The following DNM3 variants were observed in gnomAD, a reference collection of about 807,000 sequenced individuals.
The protein encoded by DNM3 is dynamin-3.
Under a neutral mutation model 101.6 loss-of-function variants are expected in DNM3, and 47 were observed. The observed-to-expected ratio is 0.46, with a 90% CI of 0.37 to 0.59. The LOEUF (loss-of-function observed/expected upper bound fraction) is 0.59. DNM3 is among the 20% of genes least tolerant of loss of function. DNM3 has a pLI of 0.00. For missense variants in DNM3, 849 were observed against 1,085.7 expected (o/e 0.78, Z 3.06); for synonymous variants, 385 against 387.9 (o/e 0.99, Z 0.09).
chr1:171,883,145 A>T (rs2036434982), intron 1 of DNM3, among the ~76,000 whole-genome samples: 1 of 151,934 alleles, frequency 6.6e-6, no homozygotes, highest in Admixed American at 6.5e-5. Flanking sequence ...GTTCTTTATT[A>T]CAGTTACACT....
At chr1:172,113,265 A>G (rs567415414) in intron 13 of DNM3, among the ~76,000 whole-genome samples, 1 of 152,248 alleles carries the variant, frequency 6.6e-6, no homozygotes, top group Admixed American at 6.5e-5. Flanking sequence ...ACTTCCTGCT[A>G]TGTGTGAGGC....
At chr1:172,207,423 TG>T (rs1433288548) in intron 14 of DNM3, among the ~76,000 whole-genome samples, 1 of 152,114 alleles carries the variant, frequency 6.6e-6, no homozygotes, top group Non-Finnish European at 1.5e-5. Context: ...ATAATTTTCA[TG>T]GGAACTTAAT....
intron 14 of DNM3, among the ~76,000 whole-genome samples, chr1:172,234,398 G>C (rs568914375): frequency 2.0e-5 from 3 of 151,794 alleles, no homozygotes; most frequent in Non-Finnish European, 2.9e-5. Context: ...GGATACAAAT[G>C]GAAGAACATT....
At chr1:172,113,856 T>A (rs1444140051) in intron 13 of DNM3, among the ~76,000 whole-genome samples, 3 of 152,140 alleles carry the variant, frequency 2.0e-5, no homozygotes, top group Non-Finnish European at 2.9e-5. Flanking sequence ...TGTGAGTGTC[T>A]TTTCTTCTTA....
chr1:172,002,715 A>T, intron 4 of DNM3, among the ~76,000 whole-genome samples: 1 of 152,190 alleles, frequency 6.6e-6, no homozygotes, highest in Non-Finnish European at 1.5e-5. Flanking sequence ...TGGGAAAATG[A>T]TATGATTATA....
At chr1:171,971,136 C>A (rs1235283105) in intron 2 of DNM3, among the ~76,000 whole-genome samples, 3 of 152,068 alleles carry the variant, frequency 2.0e-5, no homozygotes, top group Non-Finnish European at 4.4e-5. Flanking sequence ...TAATTTCACA[C>A]ATTTTTATTT....
intron 15 of DNM3, among the ~76,000 whole-genome samples, chr1:172,294,464 G>A (rs1372022317): frequency 6.6e-6 from 1 of 152,102 alleles, no homozygotes; most frequent in Non-Finnish European, 1.5e-5. Context: ...ACCAAGGATT[G>A]GGGTAGACCC....
chr1:172,038,426 A>C lies in DNM3; in HGVS notation c.957A>C (p.Pro319=), dbSNP rs377404194. 8.1e-6 allele frequency: 13 copies of C among 1,613,306 alleles called. No individual in the cohort carries two copies. The Admixed American group carries it at 1.5e-4, about 19-fold the overall frequency. ...TAGAAGCCTACAAAAATTTCAAACC[A>C]GAAGACCCAACAAGGAAGACCAAAG... ...HEVEAYKNFK[P]EDPTRKTKAL... The change falls in exon 7 of 21, where the codon CCA becomes CCC. Residue 319 remains proline (P), a synonymous_variant. Transcript: ENST00000627582.
At position 172,412,123 on chromosome 1, in the gene DNM3, G is replaced by A; in HGVS notation, c.*4282G>A. ...AGAGAGAGGAAACTCAAAGAGGAGT[G>A]TTTGTCTTAAGACCTGTTCATACTG... On this transcript the variant is annotated 3_prime_UTR_variant, in exon 21 of 21. Coordinates refer to ENST00000627582, the MANE Select transcript of DNM3 (RefSeq NM_015569.5). The A allele has an allele frequency of 1.0e-6, 1 of 985,600 alleles. No individual in the cohort carries two copies. Among genetic ancestry groups the A allele is most frequent in the Non-Finnish European group, 1.2e-6 (1 of 829,834 alleles). 61.1% of individuals were successfully genotyped at this position (985,600 alleles called of 1,614,324 possible).
intron 2 of DNM3, among the ~76,000 whole-genome samples, chr1:171,938,991 G>C (rs923909680): frequency 1.3e-5 from 2 of 152,184 alleles, no homozygotes; most frequent in African/African-American, 2.4e-5. Context: ...ACTGTGAATT[G>C]CTGGTTATGT....
chr1:172,353,720 CTT>C (rs1163897344), intron 17 of DNM3, among the ~76,000 whole-genome samples: 1 of 152,092 alleles, frequency 6.6e-6, no homozygotes, highest in African/African-American at 2.4e-5. Flanking sequence ...CTTTTTGACT[CTT>C]AGCTTTTGAA....
chr1:172,283,940 G>A (rs200533156), intron 15 of DNM3, among the ~76,000 whole-genome samples: 13 of 152,016 alleles, frequency 8.6e-5, no homozygotes, highest in Admixed American at 1.3e-4. Context: ...TTGGGTTTTC[G>A]TTGTGGTTAA....
chr1:172,162,965 T>A (rs1484423605), intron 14 of DNM3, among the ~76,000 whole-genome samples: 1 of 152,122 alleles, frequency 6.6e-6, no homozygotes, highest in African/African-American at 2.4e-5. Flanking sequence ...AGCCAGTTTT[T>A]GGTAGAATTC....
chr1:172,232,027 T>C (rs903294861), intron 14 of DNM3, among the ~76,000 whole-genome samples: 1 of 152,096 alleles, frequency 6.6e-6, no homozygotes, highest in Non-Finnish European at 1.5e-5. Flanking sequence ...CTGCAAGATA[T>C]TATCCATAAC....
intron 15 of DNM3, among the ~76,000 whole-genome samples, chr1:172,262,162 GA>G (rs2062681873): frequency 6.6e-6 from 1 of 152,142 alleles, no homozygotes; most frequent in Non-Finnish European, 1.5e-5. Context: ...TGGGGGCTGG[GA>G]ACATGGGCTT....
chr1:171,862,001 A>T lies in DNM3; in HGVS notation c.161+20184A>T, dbSNP rs529636400. Among the ~76,000 whole-genome samples, 4 of 152,308 alleles carry T rather than the reference A, an allele frequency of 2.6e-5. No individual in the cohort carries two copies. In the South Asian group the frequency reaches 8.3e-4, roughly 32 times the overall value. On this transcript the variant is annotated intron_variant, in intron 1 of 20. Coordinates refer to ENST00000627582, the MANE Select transcript of DNM3 (RefSeq NM_015569.5). The stretch of plus-strand genomic sequence containing the variant: ...AAGATGCTCAACATCAGTAGTCAGT[A>T]GAGAAGCAAATTAAAATACAATGAT...
rs151332456 is a variant in DNM3 at position 171,940,112 on chromosome 1, G to A, written c.235+18291G>A. Among the ~76,000 whole-genome samples the A allele has an allele frequency of 8.3e-3, 1,271 of 152,264 alleles. 12 individuals are homozygous for A. The highest frequency in any genetic ancestry group is 0.029 in the African/African-American group (1,201 of 41,550). The stretch of plus-strand genomic sequence containing the variant: ...GGTGTCTGAACAGCTAAGAACAGAC[G>A]ATAATTGGGTTATTCTGCTGATTTA... On this transcript the variant is annotated intron_variant, in intron 2 of 20. Coordinates refer to ENST00000627582, the MANE Select transcript of DNM3 (RefSeq NM_015569.5).
chr1:172,174,991 T>C (rs2224782), intron 14 of DNM3, among the ~76,000 whole-genome samples: 34,502 of 151,578 alleles, frequency 0.23, 4,906 homozygotes, highest in Middle Eastern at 0.34. Flanking sequence ...TAAAAATTAT[T>C]ATCTTATTTC....
At position 172,072,650 on chromosome 1, in the gene DNM3, G is replaced by A. The variant is rs146621623; in HGVS notation, c.1422+3745G>A. On this transcript the variant is annotated intron_variant, in intron 11 of 20. Coordinates refer to ENST00000627582, the MANE Select transcript of DNM3 (RefSeq NM_015569.5). ...CGCCTGTAATCCCAGCACTTTGGGA[G>A]GCCAAGGTGGGTGGATCACCTGAGG... Among the ~76,000 whole-genome samples the A allele has an allele frequency of 6.8e-3, 1,031 of 152,350 alleles. 19 individuals are homozygous for A. The highest frequency in any genetic ancestry group is 0.023 in the African/African-American group (970 of 41,574).
Sources: gnomAD v4.1 joint callset for allele counts (sites outside exome capture counted in the v4.1 genomes callset) on GRCh38, gnomAD v4.1.1 for gene constraint, MANE v1.5 for transcripts, NCBI Gene and HGNC (gene_info 2026-07-23, HGNC 2026-07-21) for gene names.